Variants in QPCT observed in about 807,000 individuals in gnomAD.
QPCT encodes the protein glutaminyl-peptide cyclotransferase.
In QPCT, 44 loss-of-function variants were observed where a neutral mutation model predicts 43.4. That is an observed-to-expected ratio of 1.01 (90% confidence interval 0.80 to 1.30). QPCT has a LOEUF of 1.30. Ranked by LOEUF, QPCT falls within the 50% of genes most tolerant of loss-of-function variation. QPCT has a pLI of 0.00. For missense variants in QPCT, 526 were observed against 436.5 expected (o/e 1.21, Z -1.83); for synonymous variants, 168 against 168.4 (o/e 1.00, Z 0.02).
At chr2:37,371,709 A>G (rs1325940410) in intron 5 of QPCT, among the ~76,000 whole-genome samples, 4 of 152,120 alleles carry the variant, frequency 2.6e-5, no homozygotes, top group Non-Finnish European at 5.9e-5. Flanking sequence ...GTGGTTCTCA[A>G]ACTTTAAAGT....
chr2:37,350,086 C>T (rs951978827), intron 1 of QPCT, among the ~76,000 whole-genome samples: 3 of 152,076 alleles, frequency 2.0e-5, no homozygotes, highest in African/African-American at 7.2e-5. Flanking sequence ...AAAGAAGTGG[C>T]CTCCAAGCTG....
chr2:37,359,547 G>T (rs760998121), intron 2 of QPCT, 33 bp from the exon 3 acceptor site: 2 of 1,575,698 alleles, frequency 1.3e-6, no homozygotes, highest in South Asian at 1.2e-5. Context: ...CATTTCTTTA[G>T]ATCTAAATTT....
At chr2:37,366,990 T>A (rs1479569913) in intron 3 of QPCT, 1 of 437,642 alleles carries the variant, frequency 2.3e-6, no homozygotes, top group Non-Finnish European at 4.1e-6. Context: ...TAAGAAAAAA[T>A]ATAAAAGACT....
intron 3 of QPCT, among the ~76,000 whole-genome samples, chr2:37,365,611 T>C (rs1260724446): frequency 4.6e-5 from 7 of 151,688 alleles, no homozygotes; most frequent in Non-Finnish European, 1.0e-4. Context: ...TGTTGGCCGA[T>C]GGGAATTATC....
At chr2:37,357,783 C>T (rs535945084) in intron 2 of QPCT, among the ~76,000 whole-genome samples, 2 of 152,090 alleles carry the variant, frequency 1.3e-5, no homozygotes, top group African/African-American at 4.8e-5. Flanking sequence ...AGCTTCCTGC[C>T]GCAGTTGTTT....
At chr2:37,362,375 T>G (rs1672871585) in intron 3 of QPCT, among the ~76,000 whole-genome samples, 1 of 152,244 alleles carries the variant, frequency 6.6e-6, no homozygotes, top group African/African-American at 2.4e-5. Context: ...ATCTGTTTAA[T>G]TATTTAATGC....
chr2:37,355,966 G>A (rs1343788749), intron 2 of QPCT, among the ~76,000 whole-genome samples: 1 of 151,954 alleles, frequency 6.6e-6, no homozygotes, highest in African/African-American at 2.4e-5. Flanking sequence ...GAGCCCGAGG[G>A]ACTCATATAT....
At position 37,367,240 on chromosome 2, in the gene QPCT, A is replaced by T; in HGVS notation, c.555A>T (p.Ser185=). The change falls in exon 4 of 7, where the codon TCA becomes TCT. Residue 185 remains serine (S), a synonymous_variant. Coordinates refer to ENST00000338415, the MANE Select transcript of QPCT (RefSeq NM_012413.4). ...DKKLLSLKTV[S]DSKPDLSLQL... The stretch of plus-strand genomic sequence containing the variant: ...ATTGTTGTTTTTACCAGACTGTTTC[A>T]GACTCCAAGCCAGATTTGTCACTCC... 6.2e-7 allele frequency: 1 copy of T among 1,612,704 alleles called. No homozygotes were observed. The highest frequency in any genetic ancestry group is 8.5e-7 in the Non-Finnish European group (1 of 1,179,480).
chr2:37,372,798 G>A lies in QPCT; in HGVS notation c.1057G>A (p.Val353Ile), dbSNP rs112852849. The A allele has an allele frequency of 8.1e-5, 130 of 1,611,900 alleles. 1 individual carries two copies. The African/African-American group carries it at 1.6e-3, about 20-fold the overall frequency. Residue 353 changes from valine to isoleucine, a missense_variant, in exon 7 of 7, where the codon GTC becomes ATC. Transcript: ENST00000338415. The stretch of plus-strand genomic sequence containing the variant: ...TGACAATCTAAACAAAATCCTACAA[G>A]TCTTTGTGTTGGAATATCTTCATTT... Reference protein sequence around the residue: ...TIDNLNKILQVFVLEYLHL With the variant: ...TIDNLNKILQIFVLEYLHL
In QPCT at chr2:37,352,922, A is replaced by C; in HGVS notation, c.254A>C (p.Tyr85Ser). The change falls in exon 2 of 7, where the codon TAT becomes TCT. Residue 85 changes from tyrosine to serine, a missense_variant. Physicochemically the swap from Tyr to Ser is moderately radical, Grantham distance 144. Coordinates refer to ENST00000338415, the MANE Select transcript of QPCT (RefSeq NM_012413.4). Reference sequence around the variant, plus strand: ...CGATACCCGGGATCCCCTGGAAGCTATGCTGCTCGTCAGGTGAGAACATGG... The same window carrying C: ...CGATACCCGGGATCCCCTGGAAGCTCTGCTGCTCGTCAGGTGAGAACATGG... ...IERYPGSPGS[Y>S]AARQHIMQRI... The C allele has an allele frequency of 6.2e-7, 1 of 1,613,668 alleles. No individual in the cohort carries two copies. The highest frequency in any genetic ancestry group is 1.6e-4 in the Middle Eastern group (1 of 6,062).
In QPCT at chr2:37,369,690, A is replaced by G; in HGVS notation, c.729A>G (p.Leu243=). The stretch of plus-strand genomic sequence containing the variant: ...CATTACTTTTTCTCCCTCAGGATTT[A>G]TTGGTCTTATTGGATTTGATTGGAG... ...RGTSQLHGMD[L]LVLLDLIGAP... is the part of the protein sequence containing the mutation. Residue 243 remains leucine, a synonymous_variant, in exon 5 of 7, where the codon TTA becomes TTG. Coordinates refer to ENST00000338415, the MANE Select transcript of QPCT (RefSeq NM_012413.4). 6.3e-7 allele frequency: 1 copy of G among 1,587,962 alleles called. No individual in the cohort carries two copies. Among genetic ancestry groups the G allele is most frequent in the Non-Finnish European group, 8.6e-7 (1 of 1,156,174 alleles).
chr2:37,348,538 C>T (rs900231485), intron 1 of QPCT, among the ~76,000 whole-genome samples: 2 of 152,170 alleles, frequency 1.3e-5, no homozygotes, highest in Non-Finnish European at 2.9e-5. Flanking sequence ...AGAATAGAAA[C>T]TGGACTTGCA....
rs755360593 is a variant in QPCT at position 37,352,849 on chromosome 2, A to G, written c.181A>G (p.Ser61Gly). The change falls in exon 2 of 7, where the codon AGT (serine) becomes GGT (glycine). Residue 61 changes from serine to glycine, a missense_variant. Ser to Gly is a moderately conservative substitution (Grantham distance 56, BLOSUM62 0). Transcript: ENST00000338415. ...SALRQIAEGT[S>G]ISEMWQNDLQ... ...TCTTCGGCAAATTGCAGAAGGCACCAGTATCTCTGAAATGTGGCAAAATGA... is the reference window on the plus strand; with the variant it reads ...TCTTCGGCAAATTGCAGAAGGCACCGGTATCTCTGAAATGTGGCAAAATGA... 1.1e-4 allele frequency: 183 copies of G among 1,614,110 alleles called. No individual in the cohort carries two copies. The highest frequency in any genetic ancestry group is 8.2e-4 in the Middle Eastern group (5 of 6,084).
intron 5 of QPCT, 22 bp downstream of exon 5, chr2:37,369,806 G>C (rs369142048): frequency 3.3e-6 from 5 of 1,507,426 alleles, no homozygotes; most frequent in Non-Finnish European, 4.6e-6. Flanking sequence ...TGTTATTAAT[G>C]AATAAAACAT....
chr2:37,361,204 C>T (rs1419140218), intron 3 of QPCT, among the ~76,000 whole-genome samples: 2 of 152,084 alleles, frequency 1.3e-5, no homozygotes, highest in African/African-American at 4.8e-5. Flanking sequence ...CAGATTTATT[C>T]TTCCAGTTAT....
chr2:37,364,771 G>A (rs1309045210), intron 3 of QPCT, among the ~76,000 whole-genome samples: 1 of 152,076 alleles, frequency 6.6e-6, no homozygotes, highest in Non-Finnish European at 1.5e-5. Flanking sequence ...TTTGTTCGAG[G>A]TGTCTATTAA....
intron 2 of QPCT, among the ~76,000 whole-genome samples, chr2:37,354,241 A>G (rs567281734): frequency 4.6e-5 from 7 of 152,302 alleles, no homozygotes; most frequent in South Asian, 4.1e-4. Context: ...TGTCCCCATT[A>G]GCCTTTTGTC....
chr2:37,353,620 T>C (rs3770750), intron 2 of QPCT, among the ~76,000 whole-genome samples: 1 of 152,218 alleles, frequency 6.6e-6, no homozygotes, highest in Non-Finnish European at 1.5e-5. Flanking sequence ...ACCACTGTTG[T>C]GGAGGGTAGA....
chr2:37,357,068 A>G (rs1417089874), intron 2 of QPCT, among the ~76,000 whole-genome samples: 1 of 151,898 alleles, frequency 6.6e-6, no homozygotes, highest in East Asian at 1.9e-4. Context: ...TGATTCTCTT[A>G]TGGATTTTAG....
Sources: allele counts gnomAD v4.1 joint callset (sites outside exome capture counted in the v4.1 genomes callset), GRCh38; gene constraint gnomAD v4.1.1; transcripts MANE v1.5; gene names NCBI Gene and HGNC (gene_info 2026-07-23, HGNC 2026-07-21).